The following PCDHGA8 variants were observed in gnomAD, a reference collection of about 807,000 sequenced individuals.
PCDHGA8 encodes protocadherin gamma subfamily A, 8.
In PCDHGA8, 45 loss-of-function variants were observed where a neutral mutation model predicts 59.2. That is an observed-to-expected ratio of 0.76 (90% CI 0.60 to 0.98). PCDHGA8 has a LOEUF of 0.98. Ranked by LOEUF, PCDHGA8 falls within the 50% of genes least tolerant of loss-of-function variation. The probability of loss-of-function intolerance (pLI) is 0.00; values close to 1 mark genes in which losing one functional copy is unlikely to be tolerated. For synonymous variants in PCDHGA8, 531 were observed against 519.0 expected (o/e 1.02, Z -0.32); for missense variants, 1,257 against 1,196.2 (o/e 1.05, Z -0.75).
At chr5:141,404,153 T>G in intron 1 of PCDHGA8, 1 of 1,613,010 alleles carries the variant, frequency 6.2e-7, no homozygotes, top group Non-Finnish European at 8.5e-7. Context: ...AGAAGAAGAT[T>G]ATTACAGATT....
chr5:141,498,053 G>A (rs2099781284), intron 2 of PCDHGA8, among the ~76,000 whole-genome samples: 1 of 152,204 alleles, frequency 6.6e-6, no homozygotes, highest in Non-Finnish European at 1.5e-5. Flanking sequence ...AAATAAATGT[G>A]AGACTGAAAC....
At position 141,502,349 on chromosome 5, in the gene PCDHGA8, T is replaced by C. The variant is rs369766657; in HGVS notation, c.2484-3044T>C. 1.3e-3 allele frequency among the ~76,000 whole-genome samples: 200 copies of C among 152,292 alleles called. 3 individuals carry two copies. In the South Asian group the frequency reaches 0.034, roughly 26 times the overall value. On this transcript the variant is annotated intron_variant, in intron 2 of 3. Transcript: ENST00000398604. ...GCTCCCAGTCTTTTTATTTTTTTAA[T>C]GACATGGATATTTTTAAAGAGTCCA...
In PCDHGA8 at chr5:141,395,210, A is replaced by G. The variant is rs200048432; in HGVS notation, c.2397A>G (p.Glu799=). 1.2e-6 allele frequency: 2 copies of G among 1,613,418 alleles called. No homozygotes were observed. Among genetic ancestry groups the G allele is most frequent in the East Asian group, 2.2e-5 (1 of 44,884 alleles). The change falls in exon 1 of 4, where the codon GAA becomes GAG. Residue 799 remains glutamate, a synonymous_variant. Transcript: ENST00000398604. Reference sequence around the variant, plus strand: ...TGTTAACATCCGTAGATTTTCATGAATATAAGAATGAAGCTGATCATGGTC... The same window carrying G: ...TGTTAACATCCGTAGATTTTCATGAGTATAAGAATGAAGCTGATCATGGTC... ...DSLLTSVDFH[E]YKNEADHGQQ...
intron 2 of PCDHGA8, among the ~76,000 whole-genome samples, chr5:141,502,723 G>C (rs771399677): frequency 3.9e-5 from 6 of 152,124 alleles, no homozygotes; most frequent in Non-Finnish European, 8.8e-5. Flanking sequence ...TGATTACAAA[G>C]CGGTGATGTT....
intron 2 of PCDHGA8, among the ~76,000 whole-genome samples, chr5:141,503,977 CCTT>C (rs1012021012): frequency 1.3e-5 from 2 of 152,250 alleles, no homozygotes; most frequent in Admixed American, 1.3e-4. Flanking sequence ...GGTGCCAAAC[CCTT>C]CTTCTTACCT....
Position 141,491,482 on chromosome 5 carries a change from A to G in PCDHGA8, c.2425-3325A>G. On this transcript the variant is annotated intron_variant, in intron 1 of 3. Coordinates refer to ENST00000398604, the MANE Select transcript of PCDHGA8 (RefSeq NM_032088.2). The surrounding 1 kb of genome is among the most constrained non-coding windows in gnomAD (Gnocchi z 6.9). Reference sequence around the variant, plus strand: ...GGACTTCTATAAGCAGTCCAGCCCCAACCTGCAGGTGAGCTCGGACGGCAC... The same window carrying G: ...GGACTTCTATAAGCAGTCCAGCCCCGACCTGCAGGTGAGCTCGGACGGCAC... 1 of 1,614,088 alleles carries G rather than the reference A, an allele frequency of 6.2e-7. No individual in the cohort carries two copies. The highest frequency in any genetic ancestry group is 8.5e-7 in the Non-Finnish European group (1 of 1,180,006).
rs747671382 is a variant in PCDHGA8 at position 141,444,152 on chromosome 5, A to ATTTTTTTTTT, written c.2424+48942_2424+48951dup. 1.8e-4 allele frequency among the ~76,000 whole-genome samples: 6 copies of ATTTTTTTTTT among 33,898 alleles called. 2 individuals are homozygous for ATTTTTTTTTT. Among genetic ancestry groups the ATTTTTTTTTT allele is most frequent in the Non-Finnish European group, 3.1e-4 (6 of 19,312 alleles). The allele number at this position is 33,898 out of a possible 152,430, so 22.2% of individuals were successfully genotyped here. A position where few individuals can be genotyped will look rare whatever the true frequency, so the allele number is the denominator to read the frequency against. On this transcript the variant is annotated intron_variant, in intron 1 of 3. Coordinates refer to ENST00000398604, the MANE Select transcript of PCDHGA8 (RefSeq NM_032088.2). ...GATATGTGTCACTTGTGTGTACTGG[A>ATTTTTTTTTT]TTTTTTTTTTTTTTTTTTTTTTTTT...
chr5:141,451,414 A>G (rs934393544), intron 1 of PCDHGA8, among the ~76,000 whole-genome samples: 2 of 152,108 alleles, frequency 1.3e-5, no homozygotes, highest in African/African-American at 2.4e-5. Flanking sequence ...TTCCTTGTGG[A>G]TTGTTAGACT....
chr5:141,494,759 C>A (rs776923097), intron 1 of PCDHGA8, 48 bp from the exon 2 acceptor site: 3 of 1,613,886 alleles, frequency 1.9e-6, no homozygotes, highest in Non-Finnish European at 2.5e-6. Context: ...GGGTGACATT[C>A]TAACTTCTCA....
intron 1 of PCDHGA8, among the ~76,000 whole-genome samples, chr5:141,436,998 A>T (rs985067199): frequency 6.6e-6 from 1 of 152,242 alleles, no homozygotes; most frequent in African/African-American, 2.4e-5. Context: ...GTTTACTTCA[A>T]TGGGATCTTA....
In PCDHGA8 at chr5:141,418,992, A is replaced by G. The variant is rs554523363; in HGVS notation, c.2424+23755A>G. 28 of 1,613,802 alleles carry G rather than the reference A, an allele frequency of 1.7e-5. No individual in the cohort carries two copies. The African/African-American group carries it at 2.7e-4, about 15-fold the overall frequency. On this transcript the variant is annotated intron_variant, in intron 1 of 3. Coordinates refer to ENST00000398604, the MANE Select transcript of PCDHGA8 (RefSeq NM_032088.2). Reference sequence around the variant, plus strand: ...AAAACACGGGACCAAGACTCAGGGGAAAATGGGGAAGTCAGGTGTAGCTTA... The same window carrying G: ...AAAACACGGGACCAAGACTCAGGGGGAAATGGGGAAGTCAGGTGTAGCTTA...
intron 1 of PCDHGA8, chr5:141,403,422 C>T (rs749764130): frequency 6.2e-7 from 1 of 1,613,912 alleles, no homozygotes; most frequent in Admixed American, 1.7e-5. Flanking sequence ...CTTCCAGAAG[C>T]TATTGATCCG....
intron 1 of PCDHGA8, among the ~76,000 whole-genome samples, chr5:141,480,115 G>A (rs1164458958): frequency 6.6e-6 from 1 of 152,110 alleles, no homozygotes; most frequent in African/African-American, 2.4e-5. Flanking sequence ...CATGGTGCCT[G>A]GCATATCATA....
At chr5:141,408,847 G>A in intron 1 of PCDHGA8, 1 of 1,613,498 alleles carries the variant, frequency 6.2e-7, no homozygotes, top group African/African-American at 1.3e-5. Flanking sequence ...TGACTGCCTT[G>A]GACGGAGGGG....
chr5:141,446,130 CTT>C (rs1191897284), intron 1 of PCDHGA8, among the ~76,000 whole-genome samples: 2 of 152,076 alleles, frequency 1.3e-5, no homozygotes, highest in African/African-American at 4.8e-5. Context: ...TTCAATAAGA[CTT>C]AATAATGGAA....
In PCDHGA8 at chr5:141,431,048, A is replaced by T; in HGVS notation, c.2424+35811A>T. On this transcript the variant is annotated intron_variant, in intron 1 of 3. Transcript: ENST00000398604. This position sits in a 1 kb window ranked among gnomAD's most constrained non-coding sequence, Gnocchi z 4.8. ...CAGGATAGACCGGGAGGAGCTCTGT[A>T]TGGGGGCCATCAAGTGTCAATTAAA... 6.2e-7 allele frequency: 1 copy of T among 1,614,180 alleles called. No homozygotes were observed. The highest frequency in any genetic ancestry group is 1.1e-5 in the South Asian group (1 of 91,088).
At chr5:141,439,445 G>A (rs1030957687) in intron 1 of PCDHGA8, among the ~76,000 whole-genome samples, 5 of 152,102 alleles carry the variant, frequency 3.3e-5, no homozygotes, top group African/African-American at 4.8e-5. Flanking sequence ...ATTTTATTGC[G>A]GGAGCAAGAC....
chr5:141,454,567 C>G (rs572130062), intron 1 of PCDHGA8, among the ~76,000 whole-genome samples: 1 of 150,856 alleles, frequency 6.6e-6, no homozygotes, highest in Non-Finnish European at 1.5e-5. Flanking sequence ...CCACCACGCC[C>G]GGCTAATTTT....
At position 141,481,719 on chromosome 5, in the gene PCDHGA8, G is replaced by A. The variant is rs1055207250; in HGVS notation, c.2425-13088G>A. On this transcript the variant is annotated intron_variant, in intron 1 of 3. Coordinates refer to ENST00000398604, the MANE Select transcript of PCDHGA8 (RefSeq NM_032088.2). ...CTGTAATCCCAGCACTTTGGGAGGC[G>A]GAGGCGGGCGGATCACGAGGTCAGG... 5.3e-5 allele frequency among the ~76,000 whole-genome samples: 8 copies of A among 151,716 alleles called. No homozygotes were observed. In the East Asian group the frequency reaches 9.7e-4, roughly 18 times the overall value.
Sources: allele counts gnomAD v4.1 joint callset (sites outside exome capture counted in the v4.1 genomes callset), GRCh38; gene constraint gnomAD v4.1.1; non-coding constraint Gnocchi (gnomAD v3.1); transcripts MANE v1.5; gene names NCBI Gene and HGNC (gene_info 2026-07-23, HGNC 2026-07-21).